The following CCDC50 variants were observed in gnomAD, a reference collection of about 807,000 sequenced individuals.
CCDC50 encodes coiled-coil domain containing 50, also known as coiled-coil domain-containing protein 50.
Under a neutral mutation model 70.2 loss-of-function variants are expected in CCDC50, and 54 were observed. That is an observed-to-expected ratio of 0.77 (90% CI 0.62 to 0.96). The LOEUF is 0.96. Among genes scored for constraint, CCDC50 ranks in the 50% least tolerant of loss-of-function variants. The pLI, the probability that CCDC50 is intolerant of heterozygous loss-of-function variation, is 0.00. For synonymous variants in CCDC50, 216 were observed against 198.8 expected, an observed-to-expected ratio of 1.09 and a Z score of -0.73; for missense variants, 558 against 578.7, an observed-to-expected ratio of 0.96 and a Z score of 0.37.
At chr3:191,347,190 C>A (rs1711957244) in intron 1 of CCDC50, among the ~76,000 whole-genome samples, 1 of 142,570 alleles carries the variant, frequency 7.0e-6, no homozygotes, top group Admixed American at 7.1e-5. Context: ...CTTTCTGTTA[C>A]TAGAATTTCT....
intron 1 of CCDC50, among the ~76,000 whole-genome samples, chr3:191,352,754 T>G (rs1254429530): frequency 8.4e-6 from 1 of 118,556 alleles, no homozygotes; most frequent in Non-Finnish European, 1.8e-5. Context: ...ATCTCCAAGA[T>G]ATGCCTATAT....
chr3:191,390,712 G>C (rs888677284), intron 11 of CCDC50, among the ~76,000 whole-genome samples: 8 of 152,140 alleles, frequency 5.3e-5, no homozygotes, highest in African/African-American at 1.4e-4. Flanking sequence ...CACCCTCTTG[G>C]TTTTGGCCAG....
intron 6 of CCDC50, 91 bp downstream of exon 6, chr3:191,375,680 T>A: frequency 8.9e-7 from 1 of 1,127,472 alleles, no homozygotes; most frequent in Non-Finnish European, 1.2e-6. Context: ...AACCTTTCTT[T>A]CTCTCTAGTT....
rs530727281 is a variant in CCDC50, at chr3:191,330,008, C to CAA, written c.49+287_49+288dup. The stretch of plus-strand genomic sequence containing the variant: ...GCTGTGCCCGTGTTCTCGTGCATCG[C>CAA]AAAGCCTCAGTGGACGCTGAGAGCC... On this transcript the variant is annotated intron_variant, in intron 1 of 11. Coordinates refer to ENST00000392455, the MANE Select transcript of CCDC50 (RefSeq NM_178335.3). Among the ~76,000 whole-genome samples the CAA allele has an allele frequency of 4.1e-4, 62 of 151,496 alleles. 1 individual carries two copies. The South Asian group carries it at 6.9e-3, about 17-fold the overall frequency.
intron 1 of CCDC50, among the ~76,000 whole-genome samples, chr3:191,332,769 A>G (rs746150174): frequency 1.3e-5 from 2 of 152,232 alleles, no homozygotes; most frequent in Non-Finnish European, 2.9e-5. Flanking sequence ...TTTCTGAACC[A>G]GCAATCAAGA....
Position 191,333,366 on chromosome 3 carries a change from G to A in CCDC50, c.49+3643G>A, listed in dbSNP as rs578217084. ...TGGCGTACATCCAGACCTTCAAGGG[G>A]GAAAGATATAAAATTATGTCTGGTA... is the stretch of plus-strand genomic sequence containing the variant. On this transcript the variant is annotated intron_variant, in intron 1 of 11. Coordinates refer to ENST00000392455, the MANE Select transcript of CCDC50 (RefSeq NM_178335.3). Among the ~76,000 whole-genome samples the A allele has an allele frequency of 3.9e-5, 6 of 152,228 alleles. No homozygotes were observed. In the South Asian group the frequency reaches 1.2e-3, roughly 32 times the overall value.
chr3:191,364,588 ATT>A (rs199563039), intron 4 of CCDC50, among the ~76,000 whole-genome samples: 9 of 146,808 alleles, frequency 6.1e-5, no homozygotes, highest in African/African-American at 1.7e-4. Flanking sequence ...TGGAACAGAG[ATT>A]TTTTTTTTTT....
chr3:191,376,906 G>C (rs116323995), intron 6 of CCDC50, among the ~76,000 whole-genome samples: 1 of 152,120 alleles, frequency 6.6e-6, no homozygotes, highest in Non-Finnish European at 1.5e-5. Context: ...TGACCTCTAC[G>C]TTTCTGCTTC....
chr3:191,387,815 G>A (rs1395177186), intron 10 of CCDC50, among the ~76,000 whole-genome samples: 3 of 152,062 alleles, frequency 2.0e-5, no homozygotes, highest in African/African-American at 7.2e-5. Context: ...TCCACTCAAC[G>A]TCTGTCTTTC....
intron 4 of CCDC50, among the ~76,000 whole-genome samples, chr3:191,369,335 T>A (rs749330407): frequency 6.6e-6 from 1 of 152,118 alleles, no homozygotes; most frequent in Non-Finnish European, 1.5e-5. Context: ...CATAAAGGGA[T>A]GATAATCTTT....
chr3:191,352,332 T>C (rs921720196), intron 1 of CCDC50, among the ~76,000 whole-genome samples: 1 of 141,826 alleles, frequency 7.1e-6, no homozygotes, highest in African/African-American at 2.5e-5. Context: ...ATGAAAATCA[T>C]TCTTTAAGGA....
At chr3:191,379,907 CTA>C (rs1490364947) in intron 6 of CCDC50, among the ~76,000 whole-genome samples, 2 of 152,082 alleles carry the variant, frequency 1.3e-5, no homozygotes, top group Middle Eastern at 3.4e-3. Flanking sequence ...GTTGCAGAAA[CTA>C]TGTGAGAGGG....
At chr3:191,358,233 C>T (rs1712361199) in intron 3 of CCDC50, 109 bp downstream of exon 3, 2 of 1,356,744 alleles carry the variant, frequency 1.5e-6, no homozygotes, top group African/African-American at 2.9e-5. Context: ...ATTCCTTCTA[C>T]TGTTAGATTA....
At chr3:191,364,216 C>T (rs1400427726) in intron 4 of CCDC50, among the ~76,000 whole-genome samples, 1 of 151,982 alleles carries the variant, frequency 6.6e-6, no homozygotes, top group Non-Finnish European at 1.5e-5. Flanking sequence ...CTACGGGCGC[C>T]TGGCACCACG....
intron 6 of CCDC50, among the ~76,000 whole-genome samples, chr3:191,379,090 A>T (rs1183854934): frequency 2.0e-5 from 3 of 152,134 alleles, no homozygotes; most frequent in African/African-American, 7.2e-5. Flanking sequence ...GACAAAAATC[A>T]TTTTAATTTA....
chr3:191,356,036 G>A (rs1712268510), intron 1 of CCDC50, among the ~76,000 whole-genome samples: 1 of 152,072 alleles, frequency 6.6e-6, no homozygotes, highest in South Asian at 2.1e-4. Flanking sequence ...CCAAAGCTTC[G>A]GAAAGAAATC....
At chr3:191,346,588 A>AT (rs1385161964) in intron 1 of CCDC50, among the ~76,000 whole-genome samples, 1 of 152,210 alleles carries the variant, frequency 6.6e-6, no homozygotes, top group Non-Finnish European at 1.5e-5. Context: ...GTGTATAAAA[A>AT]TAACAGACCT....
At chr3:191,336,676 T>C (rs1406296455) in intron 1 of CCDC50, among the ~76,000 whole-genome samples, 1 of 152,216 alleles carries the variant, frequency 6.6e-6, no homozygotes, top group East Asian at 1.9e-4. Context: ...ATTAGCTAAA[T>C]CTCTTAGAGA....
At position 191,370,204 on chromosome 3, in the gene CCDC50, A is replaced by T. The variant is rs552771235; in HGVS notation, c.448+168A>T. On this transcript the variant is annotated intron_variant, in intron 5 of 11. Coordinates refer to ENST00000392455, the MANE Select transcript of CCDC50 (RefSeq NM_178335.3). ...GATTCTATTTGAATCTAATAAATTC[A>T]TGTTTTGTTTTGTTTTGTTTTTATT... 648 of 617,242 alleles carry T rather than the reference A, an allele frequency of 1.0e-3. 3 individuals are homozygous for T. The African/African-American group carries it at 0.011, about 10-fold the overall frequency. 38.2% of individuals were successfully genotyped at this position (617,242 alleles called of 1,614,324 possible).
Sources: gnomAD v4.1 joint callset for allele counts (sites outside exome capture counted in the v4.1 genomes callset) on GRCh38, gnomAD v4.1.1 for gene constraint, MANE v1.5 for transcripts, NCBI Gene and HGNC (gene_info 2026-07-23, HGNC 2026-07-21) for gene names.